The following RERG variants were observed in gnomAD, a reference collection of about 807,000 sequenced individuals.
The protein encoded by RERG is ras-related and estrogen-regulated growth inhibitor.
RERG carries 25 observed loss-of-function variants against 23.2 expected under a neutral mutation model. That is an observed-to-expected ratio of 1.08 (90% CI 0.79 to 1.50). RERG has a LOEUF of 1.50. RERG is among the 40% of genes most tolerant of loss of function. The probability of loss-of-function intolerance (pLI) is 0.00; values close to 1 mark genes in which losing one functional copy is unlikely to be tolerated. For synonymous variants in RERG, 81 were observed against 89.1 expected, an observed-to-expected ratio of 0.91 and a Z score of 0.51; for missense variants, 253 against 250.1, an observed-to-expected ratio of 1.01 and a Z score of -0.08.
intron 2 of RERG, among the ~76,000 whole-genome samples, chr12:15,126,806 C>T (rs569119234): frequency 2.3e-4 from 34 of 150,514 alleles, no homozygotes; most frequent in African/African-American, 8.3e-4. Flanking sequence ...CAAGCTCTGC[C>T]TCCCGGGTTC....
rs1213747254 is a variant in RERG at position 15,118,941 on chromosome 12, A to C, written c.118+2122T>G. 2.6e-5 allele frequency among the ~76,000 whole-genome samples: 4 copies of C among 152,188 alleles called. No individual in the cohort carries two copies. The East Asian group carries it at 7.7e-4, about 29-fold the overall frequency. The stretch of plus-strand genomic sequence containing the variant: ...CTAATGCAGTAGCCATGTATTCAAC[A>C]AAGAATCCTGTCTTCCCCAAGGTAT... On this transcript the variant is annotated intron_variant, in intron 3 of 4. Transcript: ENST00000256953.
At chr12:15,175,060 T>C (rs1212066154) in intron 2 of RERG, among the ~76,000 whole-genome samples, 5 of 152,106 alleles carry the variant, frequency 3.3e-5, no homozygotes, top group Non-Finnish European at 5.9e-5. Flanking sequence ...AAATTGGACA[T>C]TTTAAATAAT....
chr12:15,168,267 G>T (rs558138563), intron 2 of RERG, among the ~76,000 whole-genome samples: 1 of 152,282 alleles, frequency 6.6e-6, no homozygotes, highest in South Asian at 2.1e-4. Flanking sequence ...GCATCATTTA[G>T]CTTCTTCGTT....
In RERG at chr12:15,209,536, G is replaced by T. The variant is rs75907026; in HGVS notation, c.61+7893C>A. Among the ~76,000 whole-genome samples the T allele has an allele frequency of 7.4e-3, 1,130 of 151,988 alleles. 8 individuals are homozygous for T. The highest frequency in any genetic ancestry group is 0.025 in the African/African-American group (1,038 of 41,452). ...TTTTTTTTTTAACACTTGATCCGAG[G>T]CTATAAGAAATAGAATACTGCATTA... is the stretch of plus-strand genomic sequence containing the variant. On this transcript the variant is annotated intron_variant, in intron 2 of 4. Coordinates refer to ENST00000256953, the MANE Select transcript of RERG (RefSeq NM_032918.3).
intron 2 of RERG, among the ~76,000 whole-genome samples, chr12:15,147,652 AC>A (rs1198875060): frequency 3.3e-5 from 5 of 152,182 alleles, no homozygotes; most frequent in African/African-American, 1.2e-4. Flanking sequence ...CACAATATTA[AC>A]CCAGAATGTT....
chr12:15,162,573 A>G (rs149891509), intron 2 of RERG, among the ~76,000 whole-genome samples: 117 of 152,346 alleles, frequency 7.7e-4, no homozygotes, highest in African/African-American at 2.6e-3. Context: ...TGGTCAAAAC[A>G]TAAATGGTAC....
intron 3 of RERG, among the ~76,000 whole-genome samples, chr12:15,114,216 T>C (rs903643819): frequency 6.6e-6 from 1 of 151,656 alleles, no homozygotes; most frequent in African/African-American, 2.4e-5. Context: ...TAAGAAAATA[T>C]AAAAGCTCAT....
intron 2 of RERG, among the ~76,000 whole-genome samples, chr12:15,202,939 C>T (rs186774150): frequency 5.8e-4 from 88 of 151,858 alleles, no homozygotes; most frequent in African/African-American, 2.1e-3. Flanking sequence ...ATTCTAATTT[C>T]TCCATATCCT....
intron 2 of RERG, among the ~76,000 whole-genome samples, chr12:15,159,945 A>G (rs767558952): frequency 1.2e-4 from 19 of 152,250 alleles, no homozygotes; most frequent in Non-Finnish European, 2.8e-4. Context: ...GACAATTAAG[A>G]AAATTTTGAT....
At chr12:15,157,696 T>G (rs546918907) in intron 2 of RERG, among the ~76,000 whole-genome samples, 1 of 152,364 alleles carries the variant, frequency 6.6e-6, no homozygotes, top group South Asian at 2.1e-4. Context: ...GGCTGCTTAT[T>G]TGAATAAGCC....
intron 2 of RERG, among the ~76,000 whole-genome samples, chr12:15,185,873 C>T (rs1864983664): frequency 1.3e-5 from 2 of 151,282 alleles, no homozygotes; most frequent in East Asian, 1.9e-4. Context: ...TGATAAAACA[C>T]TAATAAGACT....
At chr12:15,219,050 C>T (rs540415212) in intron 1 of RERG, among the ~76,000 whole-genome samples, 52 of 152,246 alleles carry the variant, frequency 3.4e-4, no homozygotes, top group African/African-American at 8.7e-4. Flanking sequence ...CCCCTCATTC[C>T]GAACATTTGC....
At chr12:15,141,830 A>G (rs1347592872) in intron 2 of RERG, among the ~76,000 whole-genome samples, 2 of 152,188 alleles carry the variant, frequency 1.3e-5, no homozygotes, top group Admixed American at 1.3e-4. Flanking sequence ...AATGTTCTAG[A>G]GCTCCCTTAT....
At chr12:15,191,809 G>A (rs1865075400) in intron 2 of RERG, among the ~76,000 whole-genome samples, 1 of 152,098 alleles carries the variant, frequency 6.6e-6, no homozygotes, top group Non-Finnish European at 1.5e-5. Context: ...CCTGAATTCA[G>A]TGTTGCTTCT....
At chr12:15,135,611 C>G (rs758624564) in intron 2 of RERG, among the ~76,000 whole-genome samples, 1 of 151,994 alleles carries the variant, frequency 6.6e-6, no homozygotes, top group Non-Finnish European at 1.5e-5. Flanking sequence ...TTTTTATCAC[C>G]CATTAGGGTG....
At chr12:15,216,068 A>T (rs77393601) in intron 2 of RERG, among the ~76,000 whole-genome samples, 2,690 of 152,322 alleles carry the variant, frequency 0.018, 35 homozygotes, top group Middle Eastern at 0.027. Flanking sequence ...AAGGAGTTAG[A>T]CAAGCTCTTG....
intron 2 of RERG, among the ~76,000 whole-genome samples, chr12:15,146,253 GC>G (rs1486574351): frequency 6.6e-6 from 1 of 152,132 alleles, no homozygotes; most frequent in East Asian, 1.9e-4. Context: ...GCTACAATAT[GC>G]CAGGCTCCTT....
At chr12:15,136,584 T>G (rs1864148202) in intron 2 of RERG, among the ~76,000 whole-genome samples, 1 of 152,030 alleles carries the variant, frequency 6.6e-6, no homozygotes, top group Admixed American at 6.6e-5. Flanking sequence ...GACACAAATT[T>G]TGATAAGTTG....
intron 3 of RERG, chr12:15,112,238 C>T (rs1260827232): frequency 3.3e-5 from 5 of 152,184 alleles, no homozygotes; most frequent in African/African-American, 1.2e-4. Context: ...ATGGTTCTTG[C>T]CAAATGATGT....
Sources: gnomAD v4.1 joint callset for allele counts (sites outside exome capture counted in the v4.1 genomes callset) on GRCh38, gnomAD v4.1.1 for gene constraint, MANE v1.5 for transcripts, NCBI Gene and HGNC (gene_info 2026-07-23, HGNC 2026-07-21) for gene names.